SYNGR4: variants seen among roughly 807,000 people sequenced by gnomAD.
SYNGR4 encodes the protein synaptogyrin-4.
In SYNGR4, 15 loss-of-function variants were observed where a neutral mutation model predicts 15.5. The observed-to-expected ratio is 0.97, with a 90% CI of 0.65 to 1.49. The LOEUF is 1.49. Among genes scored for constraint, SYNGR4 ranks in the 40% most tolerant of loss-of-function variants. The pLI is 0.00. For synonymous variants in SYNGR4, 121 were observed against 127.4 expected (o/e 0.95, Z 0.34); for missense variants, 292 against 299.3 (o/e 0.98, Z 0.18).
chr19:48,365,260 A>C, intron 1 of SYNGR4, among the ~76,000 whole-genome samples: 1 of 38,196 alleles, frequency 2.6e-5, no homozygotes. Flanking sequence ...CTCACCACAC[A>C]CAACCCCATT....
At chr19:48,373,307 C>T in intron 2 of SYNGR4, 1 of 582,258 alleles carries the variant, frequency 1.7e-6, no homozygotes, top group Non-Finnish European at 3.1e-6. Flanking sequence ...GGGGCAAGGG[C>T]CAAGGAGAGC....
intron 3 of SYNGR4, among the ~76,000 whole-genome samples, chr19:48,374,076 CTT>C (rs946583656): frequency 0.041 from 5,386 of 132,374 alleles, 220 homozygotes; most frequent in African/African-American, 0.15. Context: ...GAAAATCTCT[CTT>C]TTTTTTTTTT....
intron 4 of SYNGR4, 146 bp from the exon 5 acceptor site, chr19:48,375,939 C>A: frequency 6.5e-7 from 1 of 1,526,850 alleles, no homozygotes; most frequent in Non-Finnish European, 8.7e-7. Context: ...AGCATCAGGG[C>A]CTGTGCTTTG....
At chr19:48,369,777 CA>C (rs1406781593) in intron 2 of SYNGR4, among the ~76,000 whole-genome samples, 1 of 152,152 alleles carries the variant, frequency 6.6e-6, no homozygotes, top group Admixed American at 6.5e-5. Context: ...AATATGGGCT[CA>C]AAAATGATCA....
At chr19:48,374,225 A>C (rs533935977) in intron 3 of SYNGR4, among the ~76,000 whole-genome samples, 12 of 151,846 alleles carry the variant, frequency 7.9e-5, no homozygotes, top group East Asian at 3.9e-4. Flanking sequence ...TTACAGGCGC[A>C]CACCACCACA....
chr19:48,366,199 T>C (rs1970218909), intron 2 of SYNGR4, among the ~76,000 whole-genome samples: 1 of 152,024 alleles, frequency 6.6e-6, no homozygotes, highest in Non-Finnish European at 1.5e-5. Flanking sequence ...AACTAGGGCT[T>C]AGAAAAGTTA....
chr19:48,373,814 C>T, intron 3 of SYNGR4, 60 bp downstream of exon 3: 1 of 1,548,786 alleles, frequency 6.5e-7, no homozygotes. Flanking sequence ...GCCCTCCTGG[C>T]TCCCCAGGGC....
intron 2 of SYNGR4, among the ~76,000 whole-genome samples, chr19:48,369,042 G>A (rs1046021061): frequency 2.6e-5 from 4 of 152,126 alleles, no homozygotes; most frequent in Admixed American, 6.6e-5. Context: ...GGACTGGTGC[G>A]GGGAAGGAGG....
At chr19:48,368,166 C>T (rs183568868) in intron 2 of SYNGR4, among the ~76,000 whole-genome samples, 29 of 152,310 alleles carry the variant, frequency 1.9e-4, no homozygotes, top group African/African-American at 5.8e-4. Context: ...CTCAAAAGTG[C>T]CCCTTTGGTT....
intron 2 of SYNGR4, among the ~76,000 whole-genome samples, chr19:48,371,335 AGCC>A (rs1970301729): frequency 1.7e-5 from 1 of 58,798 alleles, no homozygotes; most frequent in African/African-American, 6.8e-5. Context: ...CCCAGGCCCC[AGCC>A]TCCTCCCCAC....
intron 3 of SYNGR4, among the ~76,000 whole-genome samples, chr19:48,374,571 G>T (rs1970371543): frequency 6.6e-6 from 1 of 152,212 alleles, no homozygotes; most frequent in Non-Finnish European, 1.5e-5. Flanking sequence ...GCCTTAGAAG[G>T]TCATCGAATC....
rs777440387 is a variant in SYNGR4 at position 48,373,698 on chromosome 19, G to C, written c.275G>C (p.Arg92Pro). ...CTCGTCCTGGACACACAGGAGACCC[G>C]CATTGCCGGCACCCGCTTCAAGACA... ...AFLVLDTQET[R>P]IAGTRFKTAF... The change falls in exon 3 of 5, where the codon CGC becomes CCC. Residue 92 changes from arginine (R) to proline (P), a missense_variant. Arg to Pro is a moderately radical substitution (Grantham distance 103). Coordinates refer to ENST00000344846, the MANE Select transcript of SYNGR4 (RefSeq NM_012451.4). 1 of 1,613,800 alleles carries C rather than the reference G, an allele frequency of 6.2e-7. No homozygotes were observed. The highest frequency in any genetic ancestry group is 1.7e-5 in the Admixed American group (1 of 59,992).
Position 48,365,821 on chromosome 19 carries a change from G to T in SYNGR4, c.-22G>T, listed in dbSNP as rs1313080236. ...GCACCCTGGCTCCCACCTCCCAGTG[G>T]CCCCAAAGGAAAACAGCTGCCATGC... On this transcript the variant is annotated 5_prime_UTR_variant, in exon 2 of 5. Coordinates refer to ENST00000344846, the MANE Select transcript of SYNGR4 (RefSeq NM_012451.4). 2 of 1,612,708 alleles carry T rather than the reference G, an allele frequency of 1.2e-6. No individual in the cohort carries two copies. The highest frequency in any genetic ancestry group is 1.7e-5 in the Admixed American group (1 of 59,978).
At chr19:48,366,365 A>G (rs771962384) in intron 2 of SYNGR4, among the ~76,000 whole-genome samples, 14 of 150,812 alleles carry the variant, frequency 9.3e-5, no homozygotes, top group South Asian at 6.3e-4. Flanking sequence ...ACTCCAGCCC[A>G]GGCAACAGAG....
In SYNGR4 at chr19:48,376,325, T is replaced by G; in HGVS notation, c.*7T>G. On this transcript the variant is annotated 3_prime_UTR_variant, in exon 5 of 5. Coordinates refer to ENST00000344846, the MANE Select transcript of SYNGR4 (RefSeq NM_012451.4). ...TATGATGCCTGACAACTAAATATCC[T>G]TATCCAAATCAATAAAGAGAGAATC... 1 of 1,612,350 alleles carries G rather than the reference T, an allele frequency of 6.2e-7. No homozygotes were observed. The highest frequency in any genetic ancestry group is 8.5e-7 in the Non-Finnish European group (1 of 1,179,570).
At chr19:48,376,053 T>G (rs377325876) in intron 4 of SYNGR4, 32 bp from the exon 5 acceptor site, 12 of 1,613,890 alleles carry the variant, frequency 7.4e-6, no homozygotes, top group African/African-American at 1.3e-5. Context: ...CCAGCCCAAG[T>G]CAGCCTTCAG....
At chr19:48,372,071 G>A (rs1970316430) in intron 2 of SYNGR4, among the ~76,000 whole-genome samples, 1 of 148,726 alleles carries the variant, frequency 6.7e-6, no homozygotes, top group Non-Finnish European at 1.5e-5. Context: ...TTTTTGTAGA[G>A]ACTGGGTCTC....
chr19:48,365,065 C>T lies in SYNGR4; in HGVS notation c.-108+528C>T, dbSNP rs549774685. 9.3e-5 allele frequency among the ~76,000 whole-genome samples: 14 copies of T among 151,134 alleles called. No homozygotes were observed. In the South Asian group the frequency reaches 2.9e-3, roughly 32 times the overall value. Reference sequence around the variant, plus strand: ...CAGAATCACCCTCACCCCAGGCCCTCACCTCTCTGGAATCCTCCATAGACC... The same window carrying T: ...CAGAATCACCCTCACCCCAGGCCCTTACCTCTCTGGAATCCTCCATAGACC... On this transcript the variant is annotated intron_variant, in intron 1 of 4. Transcript: ENST00000344846.
intron 2 of SYNGR4, among the ~76,000 whole-genome samples, chr19:48,367,533 G>C (rs980808113): frequency 6.6e-6 from 1 of 152,154 alleles, no homozygotes; most frequent in Non-Finnish European, 1.5e-5. Flanking sequence ...GGCAGGGGCA[G>C]GATTCAAACT....
Sources: gnomAD v4.1 joint callset for allele counts (sites outside exome capture counted in the v4.1 genomes callset) on GRCh38, gnomAD v4.1.1 for gene constraint, MANE v1.5 for transcripts, NCBI Gene and HGNC (gene_info 2026-07-23, HGNC 2026-07-21) for gene names.